Variants in LRRTM4 observed in about 807,000 individuals in gnomAD.
LRRTM4 encodes leucine-rich repeat transmembrane neuronal protein 4.
LRRTM4 carries 25 observed loss-of-function variants against 47.6 expected under a neutral mutation model. The observed-to-expected ratio is 0.53, with a 90% CI of 0.38 to 0.73. The LOEUF is 0.73. Ranked by LOEUF, LRRTM4 falls within the 30% of genes least tolerant of loss-of-function variation. The pLI, the probability that LRRTM4 is intolerant of heterozygous loss-of-function variation, is 0.00. For synonymous variants in LRRTM4, 311 were observed against 269.5 expected, an observed-to-expected ratio of 1.15 and a Z score of -1.51; for missense variants, 638 against 713.4, an observed-to-expected ratio of 0.89 and a Z score of 1.20.
chr2:76,968,784 A>G (rs953973227), intron 3 of LRRTM4, among the ~76,000 whole-genome samples: 2 of 151,792 alleles, frequency 1.3e-5, no homozygotes, highest in Admixed American at 6.6e-5. Flanking sequence ...CCAGTCTTTC[A>G]GAGTTCAAAG....
At chr2:76,952,248 G>C (rs1374561414) in intron 3 of LRRTM4, among the ~76,000 whole-genome samples, 1 of 151,930 alleles carries the variant, frequency 6.6e-6, no homozygotes, top group Non-Finnish European at 1.5e-5. Context: ...TTCTCTTGTA[G>C]AATAATCAGA....
At chr2:77,260,405 G>GTA (rs1558658066) in intron 3 of LRRTM4, among the ~76,000 whole-genome samples, 3 of 150,440 alleles carry the variant, frequency 2.0e-5, no homozygotes, top group African/African-American at 7.4e-5. Flanking sequence ...GTGTGTGTGT[G>GTA]TGTGTGTGTA....
intron 3 of LRRTM4, among the ~76,000 whole-genome samples, chr2:76,880,392 C>G (rs1361199880): frequency 1.3e-5 from 2 of 152,172 alleles, no homozygotes; most frequent in Non-Finnish European, 2.9e-5. Flanking sequence ...ACTGAAGGCT[C>G]AGATTATCCT....
intron 3 of LRRTM4, among the ~76,000 whole-genome samples, chr2:77,034,372 T>C (rs765143053): frequency 6.6e-6 from 1 of 152,010 alleles, no homozygotes; most frequent in Admixed American, 6.6e-5. Flanking sequence ...TCTTTTGACA[T>C]TTATTGCAAT....
intron 3 of LRRTM4, among the ~76,000 whole-genome samples, chr2:76,882,823 G>A (rs977394638): frequency 4.6e-5 from 7 of 152,034 alleles, no homozygotes; most frequent in Non-Finnish European, 1.0e-4. Context: ...AATCAAGGAG[G>A]AATCTGCACT....
rs576975720 is a variant in LRRTM4 at position 77,172,614 on chromosome 2, A to T, written c.1551+345704T>A. ...TCTCAAAAACATAAAAAAAAAAATAAAAATAAATAAATAAAGTGCTAAACT... is the reference window on the plus strand; with the variant it reads ...TCTCAAAAACATAAAAAAAAAAATATAAATAAATAAATAAAGTGCTAAACT... On this transcript the variant is annotated intron_variant, in intron 3 of 3. Transcript: ENST00000409884. Among the ~76,000 whole-genome samples, 1,342 of 152,252 alleles carry T rather than the reference A, an allele frequency of 8.8e-3. 13 individuals are homozygous for T. The highest frequency in any genetic ancestry group is 0.03 in the African/African-American group (1,250 of 41,556).
At chr2:76,875,766 T>C (rs1051533907) in intron 3 of LRRTM4, among the ~76,000 whole-genome samples, 1 of 152,188 alleles carries the variant, frequency 6.6e-6, no homozygotes, top group African/African-American at 2.4e-5. Flanking sequence ...GAGATTGGTT[T>C]CCACCCATGG....
chr2:77,360,193 C>T (rs888592723), intron 3 of LRRTM4, among the ~76,000 whole-genome samples: 1 of 152,104 alleles, frequency 6.6e-6, no homozygotes, highest in African/African-American at 2.4e-5. Flanking sequence ...AACAGTGGCT[C>T]ACGCCTGTAA....
chr2:77,389,837 C>T (rs1339203387), intron 3 of LRRTM4, among the ~76,000 whole-genome samples: 1 of 151,894 alleles, frequency 6.6e-6, no homozygotes. Flanking sequence ...CTTTTCATTT[C>T]TTGAGCACCT....
intron 3 of LRRTM4, among the ~76,000 whole-genome samples, chr2:77,309,121 A>G (rs1677374062): frequency 6.6e-6 from 1 of 152,190 alleles, no homozygotes; most frequent in African/African-American, 2.4e-5. Context: ...GCAGAAATAG[A>G]GCAACTTTAT....
intron 3 of LRRTM4, among the ~76,000 whole-genome samples, chr2:77,091,598 C>T (rs1156531437): frequency 6.8e-6 from 1 of 146,090 alleles, no homozygotes. Flanking sequence ...GCCTCTACAA[C>T]CCATTATTCT....
chr2:77,445,605 A>T (rs963846072), intron 3 of LRRTM4, among the ~76,000 whole-genome samples: 1 of 152,062 alleles, frequency 6.6e-6, no homozygotes, highest in African/African-American at 2.4e-5. Context: ...AATGAAGCAC[A>T]TTTGGAAATA....
At chr2:77,158,965 T>C (rs1458251216) in intron 3 of LRRTM4, among the ~76,000 whole-genome samples, 4 of 152,198 alleles carry the variant, frequency 2.6e-5, no homozygotes, top group African/African-American at 7.2e-5. Flanking sequence ...ATATTCTTGA[T>C]TCATATGCTT....
intron 3 of LRRTM4, among the ~76,000 whole-genome samples, chr2:77,446,081 A>G (rs1676039168): frequency 6.6e-6 from 1 of 152,088 alleles, no homozygotes; most frequent in South Asian, 2.1e-4. Context: ...TTTCAAAATA[A>G]CATTATCATC....
intron 3 of LRRTM4, among the ~76,000 whole-genome samples, chr2:77,228,814 T>C (rs192272872): frequency 1.3e-3 from 193 of 152,332 alleles, no homozygotes; most frequent in Admixed American, 3.4e-3. Context: ...TCACATGGTA[T>C]ATAATATTCA....
chr2:77,451,538 T>C (rs992068996), intron 3 of LRRTM4, among the ~76,000 whole-genome samples: 1 of 152,196 alleles, frequency 6.6e-6, no homozygotes, highest in African/African-American at 2.4e-5. Flanking sequence ...CTCATTCTTT[T>C]ATTATTAATT....
At chr2:77,309,283 T>C (rs1296769084) in intron 3 of LRRTM4, among the ~76,000 whole-genome samples, 1 of 152,052 alleles carries the variant, frequency 6.6e-6, no homozygotes, top group Non-Finnish European at 1.5e-5. Flanking sequence ...AATGTTTGGC[T>C]CTCCCTCCTG....
intron 3 of LRRTM4, among the ~76,000 whole-genome samples, chr2:77,254,837 CA>C (rs1675716989): frequency 6.9e-6 from 1 of 144,568 alleles, no homozygotes; most frequent in Non-Finnish European, 1.5e-5. Flanking sequence ...AAACAATGGT[CA>C]AGTAACCTGC....
chr2:77,312,306 G>A (rs1279235785), intron 3 of LRRTM4, among the ~76,000 whole-genome samples: 1 of 151,876 alleles, frequency 6.6e-6, no homozygotes, highest in African/African-American at 2.4e-5. Context: ...AACCTCTTTT[G>A]GACTGTGATT....
Sources: gnomAD v4.1 joint callset for allele counts (sites outside exome capture counted in the v4.1 genomes callset) on GRCh38, gnomAD v4.1.1 for gene constraint, MANE v1.5 for transcripts, NCBI Gene and HGNC (gene_info 2026-07-23, HGNC 2026-07-21) for gene names.